PLA2G4C: variants seen among roughly 807,000 people sequenced by gnomAD.
PLA2G4C encodes the protein cytosolic phospholipase A2 gamma.
Under a neutral mutation model 73.8 loss-of-function variants are expected in PLA2G4C, and 64 were observed. The observed-to-expected ratio is 0.87, with a 90% confidence interval of 0.71 to 1.07. The LOEUF (loss-of-function observed/expected upper bound fraction) is 1.07, where lower values mean the gene tolerates loss of function less well. Ranked by LOEUF, PLA2G4C falls within the 50% of genes least tolerant of loss-of-function variation. The pLI, the probability that PLA2G4C is intolerant of heterozygous loss-of-function variation, is 0.00. For missense variants in PLA2G4C, 622 were observed against 665.4 expected (o/e 0.93, Z 0.72); for synonymous variants, 254 against 252.1 (o/e 1.01, Z -0.07).
chr19:48,104,708 A>G lies in PLA2G4C; in HGVS notation c.137T>C (p.Val46Ala), dbSNP rs764009432. Residue 46 changes from valine (V) to alanine (A), a missense_variant, in exon 4 of 17, where the codon GTG becomes GCG. By Grantham distance (64) the Val-to-Ala change is moderately conservative (BLOSUM62 0). Coordinates refer to ENST00000599921, the MANE Select transcript of PLA2G4C (RefSeq NM_003706.3). ...CCGCAGTCCTCCGCCTGAGCCCAGCACAGCAACAACTGGGGCCTAGGCATT... is the reference window on the plus strand; with the variant it reads ...CCGCAGTCCTCCGCCTGAGCCCAGCGCAGCAACAACTGGGGCCTAGGCATT... ...IEADEAPVVA[V>A]LGSGGGLRAH... is the part of the protein sequence containing the mutation. 1 of 1,614,084 alleles carries G rather than the reference A, an allele frequency of 6.2e-7. No individual in the cohort carries two copies. The highest frequency in any genetic ancestry group is 1.1e-5 in the South Asian group (1 of 91,070).
At chr19:48,068,862 C>T (rs1224456159) in intron 12 of PLA2G4C, among the ~76,000 whole-genome samples, 3 of 151,864 alleles carry the variant, frequency 2.0e-5, no homozygotes, top group Non-Finnish European at 4.4e-5. Context: ...AGAGAGGCCT[C>T]AGGAGAAACT....
chr19:48,102,244 A>G (rs1156917850), intron 4 of PLA2G4C, among the ~76,000 whole-genome samples: 1 of 152,014 alleles, frequency 6.6e-6, no homozygotes, highest in African/African-American at 2.4e-5. Context: ...TAATTCCAGC[A>G]CTTTGGGAAG....
chr19:48,060,135 T>G (rs1042608174), intron 14 of PLA2G4C, among the ~76,000 whole-genome samples: 1 of 152,058 alleles, frequency 6.6e-6, no homozygotes, highest in African/African-American at 2.4e-5. Context: ...CTTCCTCAGC[T>G]CGCAGACGGC....
intron 12 of PLA2G4C, chr19:48,073,104 G>T (rs1279686098): frequency 6.6e-6 from 1 of 152,394 alleles, no homozygotes; most frequent in Non-Finnish European, 1.5e-5. Flanking sequence ...GGAATGCAGT[G>T]GCACAATCAT....
rs146189135 is a variant in PLA2G4C at position 48,081,508 on chromosome 19, G to A, written c.844+3551C>T. 8.1e-4 allele frequency among the ~76,000 whole-genome samples: 120 copies of A among 148,430 alleles called. 1 individual carries two copies. Among genetic ancestry groups the A allele is most frequent in the African/African-American group, 2.9e-3 (115 of 40,224 alleles). Reference sequence around the variant, plus strand: ...AGTGGTGGGTCATGCCTGTAATCCCGGCACTTTGGGAGGCCGAGGCAGGTG... The same window carrying A: ...AGTGGTGGGTCATGCCTGTAATCCCAGCACTTTGGGAGGCCGAGGCAGGTG... On this transcript the variant is annotated intron_variant, in intron 10 of 16. Transcript: ENST00000599921.
chr19:48,090,077 C>A, intron 8 of PLA2G4C: 1 of 397,358 alleles, frequency 2.5e-6, no homozygotes, highest in Non-Finnish European at 4.6e-6. Context: ...GTTATTATCA[C>A]CCGCATGGCA....
intron 4 of PLA2G4C, chr19:48,100,071 A>G: frequency 6.3e-6 from 3 of 473,396 alleles, no homozygotes; most frequent in Non-Finnish European, 1.1e-5. Flanking sequence ...CAATCCTTCC[A>G]TTTCACAGGC....
intron 13 of PLA2G4C, among the ~76,000 whole-genome samples, chr19:48,066,274 G>A (rs1254001940): frequency 1.3e-5 from 2 of 152,132 alleles, no homozygotes; most frequent in South Asian, 2.1e-4. Context: ...TGGGTGGTGG[G>A]GGGCTTAGAA....
At chr19:48,053,578 G>A (rs1967813667) in intron 15 of PLA2G4C, among the ~76,000 whole-genome samples, 1 of 151,996 alleles carries the variant, frequency 6.6e-6, no homozygotes, top group Non-Finnish European at 1.5e-5. Context: ...CACCCTGTTG[G>A]CCAAGCTGGC....
At chr19:48,074,614 A>C in intron 12 of PLA2G4C, 153 bp downstream of exon 12, 1 of 658,270 alleles carries the variant, frequency 1.5e-6, no homozygotes, top group Non-Finnish European at 2.7e-6. Flanking sequence ...TTCCAACATG[A>C]GATGTGGAAG....
At chr19:48,077,538 C>T (rs2030246026) in intron 11 of PLA2G4C, among the ~76,000 whole-genome samples, 1 of 152,074 alleles carries the variant, frequency 6.6e-6, no homozygotes, top group Non-Finnish European at 1.5e-5. Flanking sequence ...TCTACAAGTC[C>T]AGTGTAATTC....
chr19:48,095,312 G>C, intron 7 of PLA2G4C, 152 bp downstream of exon 7: 1 of 707,752 alleles, frequency 1.4e-6, no homozygotes, highest in Non-Finnish European at 2.4e-6. Flanking sequence ...TCAGCAGAAG[G>C]AATACACCAT....
At chr19:48,065,925 C>T (rs528284959) in intron 13 of PLA2G4C, among the ~76,000 whole-genome samples, 1 of 152,160 alleles carries the variant, frequency 6.6e-6, no homozygotes, top group South Asian at 2.1e-4. Context: ...GAAACCCTGT[C>T]TCTACTAAAA....
intron 2 of PLA2G4C, among the ~76,000 whole-genome samples, chr19:48,106,090 C>G (rs969370363): frequency 6.8e-6 from 1 of 147,598 alleles, no homozygotes; most frequent in East Asian, 2.0e-4. Context: ...TCCACCTCCC[C>G]GGTTCAACAA....
At chr19:48,091,764 C>T (rs142111068) in intron 7 of PLA2G4C, among the ~76,000 whole-genome samples, 141 of 151,684 alleles carry the variant, frequency 9.3e-4, no homozygotes, top group African/African-American at 3.3e-3. Context: ...GTGGTATGCA[C>T]CTATAGTCCC....
intron 15 of PLA2G4C, among the ~76,000 whole-genome samples, chr19:48,053,483 C>T (rs1461723267): frequency 1.3e-5 from 2 of 151,198 alleles, no homozygotes; most frequent in Admixed American, 1.3e-4. Context: ...GATTCTCCTG[C>T]CTCAGCCTCC....
chr19:48,070,599 G>T (rs1339601639), intron 12 of PLA2G4C, among the ~76,000 whole-genome samples: 1 of 152,200 alleles, frequency 6.6e-6, no homozygotes, highest in African/African-American at 2.4e-5. Context: ...TGCAGGGACA[G>T]GGATGGAGCT....
intron 8 of PLA2G4C, chr19:48,090,103 A>G (rs1188272725): frequency 6.6e-6 from 3 of 456,650 alleles, no homozygotes; most frequent in Non-Finnish European, 1.2e-5. Flanking sequence ...GCAGAAACCG[A>G]GGCACAGAGA....
chr19:48,062,162 C>A lies in PLA2G4C; in HGVS notation c.1103-10G>T. The A allele has an allele frequency of 1.9e-6, 3 of 1,541,046 alleles. No individual in the cohort carries two copies. The highest frequency in any genetic ancestry group is 2.6e-6 in the Non-Finnish European group (3 of 1,142,340). On this transcript the variant is annotated splice_polypyrimidine_tract_variant and intron_variant, in intron 13 of 16. Transcript: ENST00000599921. ...TTGTCCCGGATGCCACCTGTGGTGC[C>A]CAGGAAGAAAGAGGATCAGCTGCTT...
Sources: allele counts gnomAD v4.1 joint callset (sites outside exome capture counted in the v4.1 genomes callset), GRCh38; gene constraint gnomAD v4.1.1; transcripts MANE v1.5; gene names NCBI Gene and HGNC (gene_info 2026-07-23, HGNC 2026-07-21).